GPC2: variants seen among roughly 807,000 people sequenced by gnomAD.
GPC2 encodes the protein glypican 2, also known as glypican-2.
In GPC2, 42 loss-of-function variants were observed where a neutral mutation model predicts 57.3. That is an observed-to-expected ratio of 0.73 (90% CI 0.57 to 0.95). The LOEUF is 0.95. GPC2 is among the 40% of genes least tolerant of loss of function. The pLI, the probability that GPC2 is intolerant of heterozygous loss-of-function variation, is 0.00. For synonymous variants in GPC2, 364 were observed against 343.4 expected (o/e 1.06, Z -0.66); for missense variants, 745 against 793.6 (o/e 0.94, Z 0.74).
chr7:100,174,509 A>G lies in GPC2; in HGVS notation c.729+176T>C, dbSNP rs1163219201. On this transcript the variant is annotated intron_variant, in intron 4 of 9. Transcript: ENST00000292377. Reference sequence around the variant, plus strand: ...GGTCAGAGATCATGGATCGTGGACCATTGGAGGTTTCACTCCAGCCCCCTC... The same window carrying G: ...GGTCAGAGATCATGGATCGTGGACCGTTGGAGGTTTCACTCCAGCCCCCTC... The G allele has an allele frequency of 1.2e-5, 8 of 693,292 alleles. No individual in the cohort carries two copies. In the Admixed American group the frequency reaches 1.6e-4, roughly 14 times the overall value. 42.9% of individuals were successfully genotyped at this position (693,292 alleles called of 1,614,324 possible).
chr7:100,171,003 T>G lies in GPC2; in HGVS notation c.1486+258A>C. On this transcript the variant is annotated intron_variant, in intron 9 of 9. Coordinates refer to ENST00000292377, the MANE Select transcript of GPC2 (RefSeq NM_152742.3). The surrounding 1 kb of genome is among the most constrained non-coding windows in gnomAD (Gnocchi z 4.8). ...CCCCTCCCCCATTTTCCCACTGCCC[T>G]TTGCCCATTATAAGGGGCTTCCCAC... is the stretch of plus-strand genomic sequence containing the variant. 1.1e-5 allele frequency: 4 copies of G among 351,520 alleles called. No homozygotes were observed. The highest frequency in any genetic ancestry group is 7.8e-4 in the Middle Eastern group (1 of 1,284). 21.8% of individuals were successfully genotyped at this position (351,520 alleles called of 1,614,324 possible).
In GPC2 at chr7:100,172,086, C is replaced by T; in HGVS notation, c.1023+1G>A. On this transcript the variant is annotated splice_donor_variant, in intron 6 of 9. Transcript: ENST00000292377. LOFTEE classifies it high-confidence loss of function. Reference sequence around the variant, plus strand: ...CACCTCCACCCTTCTCTCCCCTGTACCTGGGCGGACACCTTCGCACTGTTT... The same window carrying T: ...CACCTCCACCCTTCTCTCCCCTGTATCTGGGCGGACACCTTCGCACTGTTT... 6.2e-7 allele frequency: 1 copy of T among 1,614,004 alleles called. No individual in the cohort carries two copies. Among genetic ancestry groups the T allele is most frequent in the South Asian group, 1.1e-5 (1 of 91,066 alleles).
intron 5 of GPC2, among the ~76,000 whole-genome samples, chr7:100,172,722 CGTATATATATGT>C (rs1226379242): frequency 2.2e-5 from 2 of 91,524 alleles, no homozygotes; most frequent in African/African-American, 1.0e-4. Context: ...TATATATACA[CGTATATATATGT>C]GTATATATAT....
chr7:100,171,713 C>A lies in GPC2; in HGVS notation c.1171-35G>T. 1 of 1,478,376 alleles carries A rather than the reference C, an allele frequency of 6.8e-7. No homozygotes were observed. The highest frequency in any genetic ancestry group is 1.5e-5 in the African/African-American group (1 of 68,542). The allele number at this position is 1,478,376 out of a possible 1,614,324, so 91.6% of individuals were successfully genotyped here. On this transcript the variant is annotated intron_variant, in intron 7 of 9. Coordinates refer to ENST00000292377, the MANE Select transcript of GPC2 (RefSeq NM_152742.3). This position sits in a 1 kb window ranked among gnomAD's most constrained non-coding sequence, Gnocchi z 4.8. ...CGAGAGGGGGCGGGGCGAGCTGGAG[C>A]GCGACCCCCACAACCATCCCCGGCC...
Position 100,176,340 on chromosome 7 carries a change from C to T in GPC2, c.192G>A (p.Gln64=). The T allele has an allele frequency of 6.2e-7, 1 of 1,614,056 alleles. No homozygotes were observed. Residue 64 remains glutamine (Q), a synonymous_variant, in exon 2 of 10, where the codon CAG becomes CAA. Coordinates refer to ENST00000292377, the MANE Select transcript of GPC2 (RefSeq NM_152742.3). ...ISGEHLRVCP[Q]EYTCCSSETE... ...TCTCACTGGAACAGCAGGTGTACTC[C>T]TGGGGACAGACCCGGAGGTGCTCAC...
In GPC2 at chr7:100,171,730, T is replaced by TGG; in HGVS notation, c.1170+48_1170+49insCC. Reference sequence around the variant, plus strand: ...AGCTGGAGCGCGACCCCCACAACCATCCCCGGCCCCGGGCCCCCCCGCCCC... The same window carrying TGG: ...AGCTGGAGCGCGACCCCCACAACCATGGCCCCGGCCCCGGGCCCCCCCGCCCC... On this transcript the variant is annotated intron_variant, in intron 7 of 9. Coordinates refer to ENST00000292377, the MANE Select transcript of GPC2 (RefSeq NM_152742.3). This position sits in a 1 kb window ranked among gnomAD's most constrained non-coding sequence, Gnocchi z 4.8. The TGG allele has an allele frequency of 2.8e-6, 4 of 1,423,520 alleles. No homozygotes were observed. The highest frequency in any genetic ancestry group is 3.8e-6 in the Non-Finnish European group (4 of 1,066,534). The allele number at this position is 1,423,520 out of a possible 1,614,324, so 88.2% of individuals were successfully genotyped here. A position where few individuals can be genotyped will look rare whatever the true frequency, so the allele number is the denominator to read the frequency against.
chr7:100,176,703 G>T (rs1221907134), intron 1 of GPC2, among the ~76,000 whole-genome samples: 2 of 152,152 alleles, frequency 1.3e-5, no homozygotes, highest in Admixed American at 1.3e-4. Context: ...GGCTTGGAAG[G>T]GTGGGGTTAC....
Position 100,171,879 on chromosome 7 carries a change from CG to C in GPC2, c.1069del (p.Arg357ValfsTer17). ...CTCTTCCCGGGGCGGCGGGGCTCGA[CG>C]GTTGCGGGCAGGCACCGGGTCGGGG... ...GPPDPVPARN[R>X]RAPPPREEAG... On this transcript the variant is annotated frameshift_variant, in exon 7 of 10. Coordinates refer to ENST00000292377, the MANE Select transcript of GPC2 (RefSeq NM_152742.3). LOFTEE classifies it high-confidence loss of function. This position sits in a 1 kb window ranked among gnomAD's most constrained non-coding sequence, Gnocchi z 4.8. 6.6e-7 allele frequency: 1 copy of C among 1,522,566 alleles called. No homozygotes were observed. The highest frequency in any genetic ancestry group is 8.8e-7 in the Non-Finnish European group (1 of 1,141,928). 94.3% of individuals were successfully genotyped at this position (1,522,566 alleles called of 1,614,324 possible).
rs766957895 is a variant in GPC2, at chr7:100,176,211, A to G, written c.321T>C (p.Phe107=). 1 of 1,606,442 alleles carries G rather than the reference A, an allele frequency of 6.2e-7. No individual in the cohort carries two copies. Among genetic ancestry groups the G allele is most frequent in the Non-Finnish European group, 8.5e-7 (1 of 1,176,150 alleles). ...TTGGGGACCCCAGGTCCTCACCATC[A>G]AATTTTCTGTGCCTGGCAGCCAGTG... ...VHTLAARHRK[F]DEFFLEMLSV... is the part of the protein sequence containing the mutation. Residue 107 remains phenylalanine (F), a synonymous_variant, in exon 2 of 10, where the codon TTT becomes TTC. Coordinates refer to ENST00000292377, the MANE Select transcript of GPC2 (RefSeq NM_152742.3).
Position 100,175,864 on chromosome 7 carries a change from T to G in GPC2, c.356A>C (p.Gln119Pro). 1 of 1,613,790 alleles carries G rather than the reference T, an allele frequency of 6.2e-7. No homozygotes were observed. Among genetic ancestry groups the G allele is most frequent in the Non-Finnish European group, 8.5e-7 (1 of 1,179,856 alleles). ...EFFLEMLSVA[Q>P]HSLTQLFSHS... is the part of the protein sequence containing the mutation. The stretch of plus-strand genomic sequence containing the variant: ...GGAGAAGAGCTGGGTCAGAGAGTGC[T>G]GGGCTACTGAGAGCATCTCCAGAAA... The change falls in exon 3 of 10, where the codon CAG becomes CCG. Residue 119 changes from glutamine to proline, a missense_variant. Gln to Pro is a moderately conservative substitution (Grantham distance 76). Transcript: ENST00000292377.
At chr7:100,176,470 C>A in intron 1 of GPC2, 105 bp from the exon 2 acceptor site, 1 of 1,086,514 alleles carries the variant, frequency 9.2e-7, no homozygotes, top group Non-Finnish European at 1.4e-6. Flanking sequence ...CCTGCCTGGT[C>A]TCTTTTCTAT....
chr7:100,171,707 C>T lies in GPC2; in HGVS notation c.1171-29G>A. On this transcript the variant is annotated intron_variant, in intron 7 of 9. Coordinates refer to ENST00000292377, the MANE Select transcript of GPC2 (RefSeq NM_152742.3). The surrounding 1 kb of genome is among the most constrained non-coding windows in gnomAD (Gnocchi z 4.8). ...GGCGGGCGAGAGGGGGCGGGGCGAG[C>T]TGGAGCGCGACCCCCACAACCATCC... 1.4e-6 allele frequency: 2 copies of T among 1,478,782 alleles called. No individual in the cohort carries two copies. The highest frequency in any genetic ancestry group is 1.8e-6 in the Non-Finnish European group (2 of 1,124,250). 91.6% of individuals were successfully genotyped at this position (1,478,782 alleles called of 1,614,324 possible). A position where few individuals can be genotyped will look rare whatever the true frequency, so the allele number is the denominator to read the frequency against.
chr7:100,170,925 G>A (rs1039212080), intron 9 of GPC2: 8 of 343,046 alleles, frequency 2.3e-5, no homozygotes, highest in Non-Finnish European at 4.2e-5. Context: ...CCACCCTGCG[G>A]AGCCAGCTCA....
Position 100,175,571 on chromosome 7 carries a change from C to T in GPC2, c.648+1G>A. Reference sequence around the variant, plus strand: ...GAAGCTCAGGCCTCAGGATCCCTCACCTGCAGGCGGAGGCGGCGGGGTGAG... The same window carrying T: ...GAAGCTCAGGCCTCAGGATCCCTCATCTGCAGGCGGAGGCGGCGGGGTGAG... On this transcript the variant is annotated splice_donor_variant, in intron 3 of 9. Transcript: ENST00000292377. LOFTEE classifies it high-confidence loss of function. The T allele has an allele frequency of 6.2e-7, 1 of 1,604,162 alleles. No individual in the cohort carries two copies. The highest frequency in any genetic ancestry group is 8.5e-7 in the Non-Finnish European group (1 of 1,174,766).
At chr7:100,173,091 C>T (rs1225721773) in intron 5 of GPC2, among the ~76,000 whole-genome samples, 1 of 151,988 alleles carries the variant, frequency 6.6e-6, no homozygotes, top group Non-Finnish European at 1.5e-5. Flanking sequence ...CCAGGCTGGT[C>T]TCGAACTCCT....
Position 100,173,980 on chromosome 7 carries a change from G to T in GPC2, c.747C>A (p.Gly249=), listed in dbSNP as rs1337368822. Residue 249 remains glycine, a synonymous_variant, in exon 5 of 10, where the codon GGC becomes GGA. Coordinates refer to ENST00000292377, the MANE Select transcript of GPC2 (RefSeq NM_152742.3). ...SEALKVPVSE[G]CSQALMRLIG... is the part of the protein sequence containing the mutation. ...TGAGACGCATCAGAGCCTGGCTGCA[G>T]CCTTCAGACACCGGCACCTGGGGGC... 6 of 1,583,348 alleles carry T rather than the reference G, an allele frequency of 3.8e-6. No homozygotes were observed. The highest frequency in any genetic ancestry group is 1.8e-5 in the Admixed American group (1 of 55,086).
At position 100,170,450 on chromosome 7, in the gene GPC2, T is replaced by A; in HGVS notation, c.1520A>T (p.Gln507Leu). The A allele has an allele frequency of 6.3e-7, 1 of 1,578,312 alleles. No individual in the cohort carries two copies. The highest frequency in any genetic ancestry group is 8.6e-7 in the Non-Finnish European group (1 of 1,159,368). Residue 507 changes from glutamine to leucine, a missense_variant, in exon 10 of 10, where the codon CAG becomes CTG. Physicochemically the swap from Gln to Leu is moderately radical, Grantham distance 113 (BLOSUM62 -2). Coordinates refer to ENST00000292377, the MANE Select transcript of GPC2 (RefSeq NM_152742.3). Reference protein sequence around the residue: ...EDASGSGGGQQYADDWMAGAV... With the variant: ...EDASGSGGGQLYADDWMAGAV... ...CCCAGCCATCCAGTCATCTGCATAC[T>A]GCTGTCCCCCTCCAGAGCCGCTGGC...
intron 1 of GPC2, 90 bp downstream of exon 1, chr7:100,176,944 A>T: frequency 1.1e-6 from 1 of 947,016 alleles, no homozygotes; most frequent in Non-Finnish European, 1.5e-6. Flanking sequence ...TATAACGGTC[A>T]CTCTGAAAAG....
Position 100,177,151 on chromosome 7 carries a change from CG to C in GPC2, c.48del (p.Gly17ValfsTer30). On this transcript the variant is annotated frameshift_variant, in exon 1 of 10. Coordinates refer to ENST00000292377, the MANE Select transcript of GPC2 (RefSeq NM_152742.3). LOFTEE classifies it high-confidence loss of function. Reference sequence around the variant, plus strand: ...TCGCTCCCGGGTCCGGGACCAGGACCGGGACACAGAGGCAGCAGCAGAAGCA... The same window carrying C: ...TCGCTCCCGGGTCCGGGACCAGGACCGGACACAGAGGCAGCAGCAGAAGCA... The part of the protein sequence containing the change: ...PLLLLLLPLC[P>X]GPGPGPGSEA... 1.2e-6 allele frequency: 2 copies of C among 1,613,814 alleles called. No homozygotes were observed. Among genetic ancestry groups the C allele is most frequent in the Non-Finnish European group, 1.7e-6 (2 of 1,179,908 alleles).
Sources: gnomAD v4.1 joint callset for allele counts (sites outside exome capture counted in the v4.1 genomes callset) on GRCh38, gnomAD v4.1.1 for gene constraint, Gnocchi (gnomAD v3.1) non-coding constraint, MANE v1.5 for transcripts, NCBI Gene and HGNC (gene_info 2026-07-23, HGNC 2026-07-21) for gene names.